Variants in CLNK observed in about 807,000 individuals in gnomAD.
CLNK encodes the protein cytokine dependent hematopoietic cell linker, also known as cytokine-dependent hematopoietic cell linker.
CLNK carries 74 observed loss-of-function variants against 68.6 expected under a neutral mutation model. The observed-to-expected ratio is 1.08, with a 90% CI of 0.89 to 1.31. CLNK has a LOEUF of 1.31. Among genes scored for constraint, CLNK ranks in the 50% most tolerant of loss-of-function variants. The pLI, the probability that CLNK is intolerant of heterozygous loss-of-function variation, is 0.00. For missense variants in CLNK, 553 were observed against 515.3 expected, an observed-to-expected ratio of 1.07 and a Z score of -0.71; for synonymous variants, 198 against 172.2, an observed-to-expected ratio of 1.15 and a Z score of -1.17.
chr4:10,573,424 T>C (rs1720425383), intron 4 of CLNK, among the ~76,000 whole-genome samples: 1 of 152,118 alleles, frequency 6.6e-6, no homozygotes, highest in South Asian at 2.1e-4. Flanking sequence ...GGATAGCAGC[T>C]CTAGGGCACT....
At chr4:10,669,972 T>G (rs539036097) in intron 1 of CLNK, among the ~76,000 whole-genome samples, 1 of 152,262 alleles carries the variant, frequency 6.6e-6, no homozygotes, top group South Asian at 2.1e-4. Flanking sequence ...ACTGGAAGGG[T>G]CCTGGACTGG....
At chr4:10,582,305 C>T (rs56125327) in intron 4 of CLNK, among the ~76,000 whole-genome samples, 3 of 152,178 alleles carry the variant, frequency 2.0e-5, no homozygotes, top group Admixed American at 2.0e-4. Context: ...GCCTGTCTCC[C>T]TCTTGTCCTA....
chr4:10,504,124 T>C (rs1717182391), intron 17 of CLNK, among the ~76,000 whole-genome samples: 2 of 131,602 alleles, frequency 1.5e-5, no homozygotes, highest in African/African-American at 6.0e-5. Flanking sequence ...TTCTTTTTTT[T>C]TTTTTTTTTT....
At chr4:10,699,343 T>TACACACACACACCACATACGTGTGTATAC in the CLNK span, among the ~76,000 whole-genome samples, 1 of 29,908 alleles carries the variant, frequency 3.3e-5, no homozygotes, top group South Asian at 1.1e-3. Context: ...CGTGTGTGTA[T>TACACACACACACCACATACGTGTGTATAC]ACACACACAC....
At chr4:10,554,006 A>T (rs951659010) in intron 8 of CLNK, among the ~76,000 whole-genome samples, 1 of 152,204 alleles carries the variant, frequency 6.6e-6, no homozygotes, top group African/African-American at 2.4e-5. Flanking sequence ...GCTGTGCCTT[A>T]GTTACAAGGA....
chr4:10,529,566 A>T (rs1205785652), intron 12 of CLNK, among the ~76,000 whole-genome samples: 1 of 152,262 alleles, frequency 6.6e-6, no homozygotes, highest in Non-Finnish European at 1.5e-5. Context: ...TTCTGGAAAG[A>T]GGACATACAT....
At chr4:10,734,832 G>C in the CLNK span, among the ~76,000 whole-genome samples, 3 of 152,156 alleles carry the variant, frequency 2.0e-5, no homozygotes, top group Non-Finnish European at 4.4e-5. Context: ...CAGCAGCCTG[G>C]ACTCTGCTGG....
At chr4:10,559,308 A>G (rs1209148121) in intron 7 of CLNK, among the ~76,000 whole-genome samples, 2 of 152,182 alleles carry the variant, frequency 1.3e-5, no homozygotes, top group Admixed American at 1.3e-4. Flanking sequence ...TGGAACATTG[A>G]ACCACAGTAT....
intron 1 of CLNK, among the ~76,000 whole-genome samples, chr4:10,675,271 G>C (rs535598473): frequency 2.0e-5 from 3 of 152,140 alleles, no homozygotes; most frequent in Non-Finnish European, 2.9e-5. Context: ...ACATACATTC[G>C]ATTTGGGCAC....
chr4:10,672,174 G>C (rs1190049446), intron 1 of CLNK, among the ~76,000 whole-genome samples: 1 of 152,170 alleles, frequency 6.6e-6, no homozygotes, highest in African/African-American at 2.4e-5. Context: ...ACGAGGAAGT[G>C]GGGGAGGGAA....
chr4:10,544,621 A>T (rs1001043013), intron 8 of CLNK, among the ~76,000 whole-genome samples: 5 of 152,218 alleles, frequency 3.3e-5, no homozygotes, highest in African/African-American at 1.2e-4. Flanking sequence ...GCCTGAGGAC[A>T]GCGAGGGAGC....
At chr4:10,572,100 A>T (rs942895752) in intron 4 of CLNK, among the ~76,000 whole-genome samples, 5 of 152,192 alleles carry the variant, frequency 3.3e-5, no homozygotes, top group African/African-American at 4.8e-5. Flanking sequence ...CTCTCACAGC[A>T]ATTGCTCCCG....
chr4:10,542,227 A>G (rs756465118), intron 9 of CLNK, 28 bp downstream of exon 9: 1 of 1,428,254 alleles, frequency 7.0e-7, no homozygotes, highest in South Asian at 1.3e-5. Flanking sequence ...ATAATGAATA[A>G]CAAATGCATT....
chr4:10,486,527 G>C lies in CLNK; in HGVS notation c.*3940C>G, dbSNP rs1442948376. 1 of 136,158 alleles carries C rather than the reference G, an allele frequency of 7.3e-6. No homozygotes were observed. The highest frequency in any genetic ancestry group is 3.7e-5 in the African/African-American group (1 of 27,166). The allele number at this position is 136,158 out of a possible 1,614,324, so 8.4% of individuals were successfully genotyped here. A position where few individuals can be genotyped will look rare whatever the true frequency, so the allele number is the denominator to read the frequency against. On this transcript the variant is annotated 3_prime_UTR_variant, in exon 19 of 19. Transcript: ENST00000226951. ...AAATATAATGCTAATATACAATATA[G>C]GCTATCATAAAAATTTGTATTTGTG... is the stretch of plus-strand genomic sequence containing the variant.
At chr4:10,642,038 C>T (rs552207845) in intron 2 of CLNK, among the ~76,000 whole-genome samples, 95 of 152,144 alleles carry the variant, frequency 6.2e-4, no homozygotes, top group African/African-American at 2.1e-3. Flanking sequence ...TATAAATTAC[C>T]GAGTCTCGTG....
At chr4:10,510,221 C>T (rs1717517036) in intron 16 of CLNK, among the ~76,000 whole-genome samples, 1 of 152,160 alleles carries the variant, frequency 6.6e-6, no homozygotes, top group African/African-American at 2.4e-5. Flanking sequence ...ATCTCAGAAT[C>T]ACTTGCGGGG....
At chr4:10,563,157 C>T (rs548633362) in intron 7 of CLNK, among the ~76,000 whole-genome samples, 3 of 152,266 alleles carry the variant, frequency 2.0e-5, no homozygotes, top group African/African-American at 7.2e-5. Context: ...TCCAAATTAA[C>T]AGAAGCCCTC....
chr4:10,624,728 C>G (rs1722600288), intron 2 of CLNK, among the ~76,000 whole-genome samples: 1 of 151,652 alleles, frequency 6.6e-6, no homozygotes, highest in African/African-American at 2.4e-5. Context: ...AGAGTTTGAG[C>G]TGCTTCCCAT....
chr4:10,525,127 C>G (rs1718251260), intron 14 of CLNK, among the ~76,000 whole-genome samples: 1 of 152,144 alleles, frequency 6.6e-6, no homozygotes, highest in Admixed American at 6.5e-5. Flanking sequence ...TGCAGTGGCG[C>G]CATCTTGGCT....
Sources: gnomAD v4.1 joint callset for allele counts (sites outside exome capture counted in the v4.1 genomes callset) on GRCh38, gnomAD v4.1.1 for gene constraint, MANE v1.5 for transcripts, NCBI Gene and HGNC (gene_info 2026-07-23, HGNC 2026-07-21) for gene names.